RAB3GAP1: variants seen among roughly 807,000 people sequenced by gnomAD.
The protein encoded by RAB3GAP1 is RAB3 GTPase activating protein catalytic subunit 1.
In RAB3GAP1, 86 loss-of-function variants were observed where a neutral mutation model predicts 130.7. The observed-to-expected ratio is 0.66, with a 90% CI of 0.55 to 0.79. RAB3GAP1 has a LOEUF of 0.79. Among genes scored for constraint, RAB3GAP1 ranks in the 30% least tolerant of loss-of-function variants. The pLI, the probability that RAB3GAP1 is intolerant of heterozygous loss-of-function variation, is 0.00. For missense variants in RAB3GAP1, 1,029 were observed against 1,169.4 expected (o/e 0.88, Z 1.75); for synonymous variants, 367 against 401.7 (o/e 0.91, Z 1.03).
intron 7 of RAB3GAP1, among the ~76,000 whole-genome samples, chr2:135,117,546 T>TTCTTCTGCTG (rs1691028140): frequency 9.6e-6 from 1 of 103,902 alleles, no homozygotes; most frequent in African/African-American, 4.4e-5. Context: ...TTCTTCTGCT[T>TTCTTCTGCTG]CTTCTTCTTC....
chr2:135,052,675 C>T (rs937421508), intron 2 of RAB3GAP1, among the ~76,000 whole-genome samples, 190 bp downstream of exon 2: 4 of 152,178 alleles, frequency 2.6e-5, no homozygotes, highest in Non-Finnish European at 4.4e-5. Flanking sequence ...CTGGCAACAC[C>T]CGGCCCGCCC....
Position 135,135,288 on chromosome 2 carries a change from T to C in RAB3GAP1, c.1523T>C (p.Leu508Pro). The C allele has an allele frequency of 6.2e-7, 1 of 1,611,240 alleles. No homozygotes were observed. The highest frequency in any genetic ancestry group is 1.3e-5 in the African/African-American group (1 of 74,996). ...AGATTAGCAAGTGGACCCCCAGATC[T>C]GAGGTGTTGTTTACTGCATCAGAAA... The part of the protein sequence containing the change: ...IPGLASGPPD[L>P]RCCLLHQKLQ... Residue 508 changes from leucine (L) to proline (P), a missense_variant, in exon 16 of 24, where the codon CTG (leucine) becomes CCG (proline). Leu to Pro is a moderately conservative substitution (Grantham distance 98). Coordinates refer to ENST00000264158, the MANE Select transcript of RAB3GAP1 (RefSeq NM_012233.3).
intron 4 of RAB3GAP1, 105 bp downstream of exon 4, chr2:135,091,235 T>C: frequency 1.8e-6 from 2 of 1,118,744 alleles, no homozygotes; most frequent in Non-Finnish European, 2.6e-6. Context: ...TCTCTGGAAC[T>C]GTTTTACATA....
At chr2:135,145,782 A>G (rs1691974141) in intron 17 of RAB3GAP1, among the ~76,000 whole-genome samples, 1 of 152,214 alleles carries the variant, frequency 6.6e-6, no homozygotes, top group Non-Finnish European at 1.5e-5. Context: ...GCCCGTCAAG[A>G]TGCAAGGATT....
intron 8 of RAB3GAP1, among the ~76,000 whole-genome samples, chr2:135,123,662 G>A (rs1205465058): frequency 6.6e-6 from 1 of 151,940 alleles, no homozygotes; most frequent in Non-Finnish European, 1.5e-5. Flanking sequence ...CATTCGTAAT[G>A]GAAAGGAGGT....
intron 3 of RAB3GAP1, among the ~76,000 whole-genome samples, chr2:135,064,769 TTG>T (rs1689270056): frequency 6.6e-6 from 1 of 151,098 alleles, no homozygotes; most frequent in Non-Finnish European, 1.5e-5. Context: ...TTTTTTTTTT[TTG>T]ATATGTGTAT....
Position 135,115,254 on chromosome 2 carries a change from G to A in RAB3GAP1, c.521G>A (p.Arg174Gln), listed in dbSNP as rs771432170. The stretch of plus-strand genomic sequence containing the variant: ...TTTGTGCAAATTCACCACAAATGGC[G>A]AAGAATGTATGTAGGAGAATGTCAA... ...PLFVQIHHKW[R>Q]RMYVGECQGP... is the part of the protein sequence containing the mutation. The change falls in exon 7 of 24, where the codon CGA (arginine) becomes CAA (glutamine). Residue 174 changes from arginine to glutamine, a missense_variant. Coordinates refer to ENST00000264158, the MANE Select transcript of RAB3GAP1 (RefSeq NM_012233.3). 41 of 1,612,674 alleles carry A rather than the reference G, an allele frequency of 2.5e-5. No homozygotes were observed. Among genetic ancestry groups the A allele is most frequent in the South Asian group, 1.2e-4 (11 of 91,040 alleles).
intron 4 of RAB3GAP1, among the ~76,000 whole-genome samples, chr2:135,093,285 T>G (rs1690196965): frequency 6.6e-6 from 1 of 152,136 alleles, no homozygotes; most frequent in South Asian, 2.1e-4. Context: ...AAATAGAATG[T>G]TGAAGAAAAG....
chr2:135,057,137 C>G (rs1689037019), intron 2 of RAB3GAP1, among the ~76,000 whole-genome samples: 1 of 152,082 alleles, frequency 6.6e-6, no homozygotes, highest in Admixed American at 6.5e-5. Flanking sequence ...TTTTAATAGG[C>G]CTTCTTGACC....
chr2:135,161,019 C>T (rs912943253), intron 19 of RAB3GAP1, among the ~76,000 whole-genome samples: 16 of 152,230 alleles, frequency 1.1e-4, no homozygotes, highest in Admixed American at 3.9e-4. Flanking sequence ...ACATATTTCA[C>T]GTTATTCCTG....
chr2:135,168,416 T>C (rs1692727643), intron 23 of RAB3GAP1, 129 bp from the exon 24 acceptor site: 7 of 839,256 alleles, frequency 8.3e-6, no homozygotes, highest in South Asian at 4.0e-5. Flanking sequence ...TCTTAACATA[T>C]AGCTGACTGC....
chr2:135,120,535 T>C lies in RAB3GAP1; in HGVS notation c.649-284T>C, dbSNP rs530586254. Reference sequence around the variant, plus strand: ...TCCTCCTGTTCATCCCTGATCCACCTCTTGAGCTTTTGGACTGTGAGAATT... The same window carrying C: ...TCCTCCTGTTCATCCCTGATCCACCCCTTGAGCTTTTGGACTGTGAGAATT... On this transcript the variant is annotated intron_variant, in intron 7 of 23. Coordinates refer to ENST00000264158, the MANE Select transcript of RAB3GAP1 (RefSeq NM_012233.3). 7.9e-5 allele frequency among the ~76,000 whole-genome samples: 12 copies of C among 152,366 alleles called. No homozygotes were observed. In the East Asian group the frequency reaches 1.7e-3, roughly 22 times the overall value.
intron 7 of RAB3GAP1, among the ~76,000 whole-genome samples, chr2:135,119,803 AG>A (rs2104926628): frequency 6.6e-6 from 1 of 152,346 alleles, no homozygotes; most frequent in South Asian, 2.1e-4. Context: ...TATGCAGAAG[AG>A]TATTGAATCT....
Position 135,069,249 on chromosome 2 carries a change from C to A in RAB3GAP1, c.150+11163C>A, listed in dbSNP as rs150449108. On this transcript the variant is annotated intron_variant, in intron 3 of 23. Transcript: ENST00000264158. ...GTATAAGATATGCAGTGTAAACAGA[C>A]CACATTTACTTACCTGGGAATTTTG... Among the ~76,000 whole-genome samples, 1,372 of 152,226 alleles carry A rather than the reference C, an allele frequency of 9.0e-3. 20 individuals are homozygous for A. The highest frequency in any genetic ancestry group is 0.03 in the African/African-American group (1,236 of 41,528).
chr2:135,121,289 C>T (rs1558786538), intron 8 of RAB3GAP1, among the ~76,000 whole-genome samples: 1 of 152,144 alleles, frequency 6.6e-6, no homozygotes. Flanking sequence ...TGAGAACACT[C>T]ATGCAAAAAG....
At chr2:135,066,645 A>G (rs1689331067) in intron 3 of RAB3GAP1, among the ~76,000 whole-genome samples, 1 of 152,188 alleles carries the variant, frequency 6.6e-6, no homozygotes, top group Non-Finnish European at 1.5e-5. Flanking sequence ...GAGTATTAAC[A>G]TAGGTTTCTA....
intron 3 of RAB3GAP1, 122 bp downstream of exon 3, chr2:135,058,208 A>T (rs2104822320): frequency 1.3e-6 from 1 of 796,466 alleles, no homozygotes; most frequent in East Asian, 2.7e-5. Context: ...TAATCTATAA[A>T]CATCAAATAG....
intron 3 of RAB3GAP1, among the ~76,000 whole-genome samples, chr2:135,085,807 C>T (rs985463934): frequency 1.3e-5 from 2 of 152,108 alleles, no homozygotes; most frequent in African/African-American, 4.8e-5. Context: ...GATTTATACA[C>T]AGCGAAGTTT....
downstream of RAB3GAP1, among the ~76,000 whole-genome samples, chr2:135,171,375 G>A (rs1692848924): frequency 6.6e-6 from 1 of 152,178 alleles, no homozygotes; most frequent in Non-Finnish European, 1.5e-5. Flanking sequence ...TGGCAGGAGA[G>A]GAGATGCTAA....
Sources: allele counts gnomAD v4.1 joint callset (sites outside exome capture counted in the v4.1 genomes callset), GRCh38; gene constraint gnomAD v4.1.1; transcripts MANE v1.5; gene names NCBI Gene and HGNC (gene_info 2026-07-23, HGNC 2026-07-21).